Variants in SYNPR observed in about 807,000 individuals in gnomAD.
The protein encoded by SYNPR is synaptoporin.
SYNPR carries 23 observed loss-of-function variants against 32.9 expected under a neutral mutation model. That is an observed-to-expected ratio of 0.70 (90% confidence interval 0.50 to 0.99). The LOEUF is 0.99. Ranked by LOEUF, SYNPR falls within the 50% of genes least tolerant of loss-of-function variation. The probability of loss-of-function intolerance (pLI) is 0.00; values close to 1 mark genes in which losing one functional copy is unlikely to be tolerated. For missense variants in SYNPR, 318 were observed against 349.3 expected (o/e 0.91, Z 0.71); for synonymous variants, 146 against 135.9 (o/e 1.07, Z -0.52).
chr3:63,540,957 A>G (rs185040927), intron 3 of SYNPR, among the ~76,000 whole-genome samples: 363 of 150,608 alleles, frequency 2.4e-3, no homozygotes, highest in Non-Finnish European at 3.9e-3. Flanking sequence ...ACACACACAC[A>G]CACATATACA....
chr3:63,320,168 C>A (rs2087096048), intron 2 of SYNPR, among the ~76,000 whole-genome samples: 1 of 151,722 alleles, frequency 6.6e-6, no homozygotes, highest in Non-Finnish European at 1.5e-5. Flanking sequence ...CCAGGATGGT[C>A]TAGAACTCCT....
chr3:63,241,566 A>G (rs980050383), intron 1 of SYNPR, among the ~76,000 whole-genome samples: 1 of 152,130 alleles, frequency 6.6e-6, no homozygotes, highest in African/African-American at 2.4e-5. Context: ...CACTTAAAAA[A>G]AGAGACCTAA....
At chr3:63,323,393 T>G (rs1041589746) in intron 2 of SYNPR, among the ~76,000 whole-genome samples, 1 of 152,110 alleles carries the variant, frequency 6.6e-6, no homozygotes, top group African/African-American at 2.4e-5. Flanking sequence ...TGGATGAAAT[T>G]TATTCAATTC....
At chr3:63,244,017 G>A (rs1447131661) in intron 1 of SYNPR, among the ~76,000 whole-genome samples, 1 of 152,040 alleles carries the variant, frequency 6.6e-6, no homozygotes, top group East Asian at 1.9e-4. Context: ...CTAATACAAG[G>A]ACTTGCTTAC....
At chr3:63,557,669 G>A (rs13097916) in intron 4 of SYNPR, among the ~76,000 whole-genome samples, 29,665 of 151,888 alleles carry the variant, frequency 0.2, 2,979 homozygotes, top group Non-Finnish European at 0.2. Context: ...AATAATTTTC[G>A]GTGACATGTT....
chr3:63,385,609 C>T (rs2088029195), intron 2 of SYNPR, among the ~76,000 whole-genome samples: 1 of 152,182 alleles, frequency 6.6e-6, no homozygotes, highest in African/African-American at 2.4e-5. Flanking sequence ...AACATCAATC[C>T]ATAACCTGGC....
At chr3:63,595,321 C>T (rs1266276226) in intron 4 of SYNPR, among the ~76,000 whole-genome samples, 2 of 151,994 alleles carry the variant, frequency 1.3e-5, no homozygotes, top group African/African-American at 2.4e-5. Context: ...CCACTCTTAC[C>T]CCAGAATTCC....
intron 2 of SYNPR, chr3:63,267,299 C>A (rs986648921): frequency 3.9e-5 from 6 of 152,170 alleles, no homozygotes; most frequent in African/African-American, 1.2e-4. Context: ...GTCAAGGAAC[C>A]ATCTTGGGTC....
chr3:63,292,109 G>A (rs770073705), intron 2 of SYNPR, among the ~76,000 whole-genome samples: 1 of 152,108 alleles, frequency 6.6e-6, no homozygotes, highest in Non-Finnish European at 1.5e-5. Flanking sequence ...GAAGGATATG[G>A]TAAAAATTTA....
chr3:63,286,465 C>T (rs1009318434), intron 2 of SYNPR, among the ~76,000 whole-genome samples: 1 of 152,204 alleles, frequency 6.6e-6, no homozygotes. Flanking sequence ...CCAGGTGCTC[C>T]AGGCCCTTGG....
chr3:63,280,049 C>T (rs1013059010), intron 2 of SYNPR, among the ~76,000 whole-genome samples: 1 of 152,180 alleles, frequency 6.6e-6, no homozygotes, highest in Non-Finnish European at 1.5e-5. Context: ...TAAATATTTC[C>T]TGTGAAGTAG....
chr3:63,526,166 G>A (rs1702008519), intron 3 of SYNPR, among the ~76,000 whole-genome samples: 1 of 152,184 alleles, frequency 6.6e-6, no homozygotes, highest in African/African-American at 2.4e-5. Context: ...CAACATTGGG[G>A]ATCAAATTTC....
At chr3:63,277,072 G>C (rs976813426), upstream of SYNPR, among the ~76,000 whole-genome samples, 6 of 152,038 alleles carry the variant, frequency 3.9e-5, no homozygotes, top group African/African-American at 1.4e-4. Flanking sequence ...TAGTAGCTAA[G>C]AGCTCTCCTC....
At chr3:63,404,630 T>C (rs1427064600) in intron 2 of SYNPR, among the ~76,000 whole-genome samples, 1 of 152,180 alleles carries the variant, frequency 6.6e-6, no homozygotes, top group Admixed American at 6.5e-5. Context: ...ACCCCTGTGC[T>C]TCAAATAACT....
rs116374198 is a variant in SYNPR at position 63,510,546 on chromosome 3, A to G, written c.209+29590A>G. ...TCAGTAGAAAAGAGAGGGTTCCTAAATCATGCAACCCACTGCAATTTTTTG... is the reference window on the plus strand; with the variant it reads ...TCAGTAGAAAAGAGAGGGTTCCTAAGTCATGCAACCCACTGCAATTTTTTG... On this transcript the variant is annotated intron_variant, in intron 3 of 5. Transcript: ENST00000478300. Among the ~76,000 whole-genome samples the G allele has an allele frequency of 2.8e-3, 421 of 152,272 alleles. 3 individuals are homozygous for G. Among genetic ancestry groups the G allele is most frequent in the African/African-American group, 9.5e-3 (395 of 41,566 alleles).
At chr3:63,605,873 A>G (rs901931837) in intron 4 of SYNPR, among the ~76,000 whole-genome samples, 2 of 152,224 alleles carry the variant, frequency 1.3e-5, no homozygotes, top group Non-Finnish European at 2.9e-5. Flanking sequence ...ATGCCGCTGG[A>G]GTGATCACAG....
At chr3:63,500,673 T>C (rs1469933274) in intron 3 of SYNPR, among the ~76,000 whole-genome samples, 1 of 152,220 alleles carries the variant, frequency 6.6e-6, no homozygotes, top group Non-Finnish European at 1.5e-5. Flanking sequence ...CTCTAAGCTA[T>C]GTTCCCAGGA....
At chr3:63,209,246 G>C in the SYNPR span, among the ~76,000 whole-genome samples, 1 of 151,132 alleles carries the variant, frequency 6.6e-6, no homozygotes, top group Non-Finnish European at 1.5e-5. Context: ...TGAACCCGGG[G>C]GGCGGAGCCT....
intron 2 of SYNPR, among the ~76,000 whole-genome samples, chr3:63,367,570 C>T (rs892896881): frequency 2.0e-5 from 3 of 151,970 alleles, no homozygotes; most frequent in East Asian, 1.9e-4. Flanking sequence ...TGCCCAGCCT[C>T]GTCTCAAACT....
Sources: gnomAD v4.1 joint callset for allele counts (sites outside exome capture counted in the v4.1 genomes callset) on GRCh38, gnomAD v4.1.1 for gene constraint, MANE v1.5 for transcripts, NCBI Gene and HGNC (gene_info 2026-07-23, HGNC 2026-07-21) for gene names.